The following RNF20 variants were observed in gnomAD, a reference collection of about 807,000 sequenced individuals.
RNF20 encodes the protein E3 ubiquitin-protein ligase BRE1A.
A neutral mutation model predicts 126.2 loss-of-function variants in RNF20; 84 were observed. That is an observed-to-expected ratio of 0.67 (90% CI 0.56 to 0.80). RNF20 has a LOEUF of 0.80. Among genes scored for constraint, RNF20 ranks in the 30% least tolerant of loss-of-function variants. RNF20 has a pLI of 0.00. For synonymous variants in RNF20, 400 were observed against 414.3 expected, an observed-to-expected ratio of 0.97 and a Z score of 0.42; for missense variants, 869 against 1,188.2, an observed-to-expected ratio of 0.73 and a Z score of 3.95.
At chr9:101,535,021 C>G (rs1232659373) in intron 1 of RNF20, among the ~76,000 whole-genome samples, 1 of 151,732 alleles carries the variant, frequency 6.6e-6, no homozygotes, top group Non-Finnish European at 1.5e-5. Flanking sequence ...GATTCTCCTG[C>G]CTTAGCCTCC....
intron 2 of RNF20, among the ~76,000 whole-genome samples, chr9:101,536,586 T>C (rs1827188248): frequency 6.6e-6 from 1 of 152,202 alleles, no homozygotes; most frequent in Non-Finnish European, 1.5e-5. Flanking sequence ...TCCAAAGGCA[T>C]TTATTCACTC....
intron 1 of RNF20, chr9:101,534,140 TC>T: frequency 6.6e-6 from 1 of 152,274 alleles, no homozygotes; most frequent in Non-Finnish European, 1.5e-5. Context: ...GTCTTCTCTC[TC>T]CAGGCGAGGT....
rs774524919 is a variant in RNF20, at chr9:101,552,135, T to C, written c.1409-6T>C. The C allele has an allele frequency of 6.2e-7, 1 of 1,614,120 alleles. No homozygotes were observed. Among genetic ancestry groups the C allele is most frequent in the South Asian group, 1.1e-5 (1 of 91,076 alleles). ...TCCTCATAACATTGTTGTTCCTGTA[T>C]TTAAGGCCCTATAAACAGGGAGATG... On this transcript the variant is annotated splice_region_variant and splice_polypyrimidine_tract_variant and intron_variant, in intron 11 of 19. Coordinates refer to ENST00000389120, the MANE Select transcript of RNF20 (RefSeq NM_019592.7).
intron 10 of RNF20, 80 bp downstream of exon 10, chr9:101,550,865 A>C: frequency 8.3e-7 from 1 of 1,209,946 alleles, no homozygotes; most frequent in Non-Finnish European, 1.2e-6. Flanking sequence ...ATGTGCAATT[A>C]ATCTCTCATT....
At chr9:101,551,440 A>C in intron 10 of RNF20, among the ~76,000 whole-genome samples, 1 of 152,104 alleles carries the variant, frequency 6.6e-6, no homozygotes, top group East Asian at 1.9e-4. Context: ...ATTGAATACT[A>C]TTTTACATAT....
intron 15 of RNF20, among the ~76,000 whole-genome samples, chr9:101,556,147 T>C (rs760302181): frequency 2.0e-5 from 3 of 152,226 alleles, no homozygotes; most frequent in Non-Finnish European, 4.4e-5. Context: ...TCTAAGTTTA[T>C]GTATTAATAT....
intron 10 of RNF20, among the ~76,000 whole-genome samples, chr9:101,551,283 T>A (rs186505905): frequency 5.2e-4 from 79 of 152,278 alleles, no homozygotes; most frequent in Non-Finnish European, 2.2e-4. Flanking sequence ...TTACTTACAT[T>A]TCTTAAACAA....
Position 101,557,743 on chromosome 9 carries a change from A to C in RNF20, c.2382+147A>C, listed in dbSNP as rs569918551. ...ATGTTCATCATTAGGGTATTGGTAA[A>C]TAAATTATACATCTCTACTGTTATT... On this transcript the variant is annotated intron_variant, in intron 16 of 19. Coordinates refer to ENST00000389120, the MANE Select transcript of RNF20 (RefSeq NM_019592.7). 4.9e-5 allele frequency: 30 copies of C among 610,790 alleles called. No individual in the cohort carries two copies. In the South Asian group the frequency reaches 6.2e-4, roughly 13 times the overall value. The allele number at this position is 610,790 out of a possible 1,614,324, so 37.8% of individuals were successfully genotyped here.
intron 13 of RNF20, 52 bp from the exon 14 acceptor site, chr9:101,553,936 A>T: frequency 1.0e-6 from 1 of 989,256 alleles, no homozygotes; most frequent in East Asian, 2.5e-5. Flanking sequence ...TGCTCTGATG[A>T]CCTTTATTTT....
chr9:101,535,391 C>T lies in RNF20; in HGVS notation c.-26-7C>T. 2 of 1,596,166 alleles carry T rather than the reference C, an allele frequency of 1.3e-6. No individual in the cohort carries two copies. The highest frequency in any genetic ancestry group is 1.8e-5 in the Admixed American group (1 of 55,130). On this transcript the variant is annotated splice_polypyrimidine_tract_variant and splice_region_variant and intron_variant, in intron 1 of 19. Transcript: ENST00000389120. ...ATTATGTCAGTTTCTGCCTTTTTTTCTATCAGGAAAACGACTGTCTTCTTC... is the reference window on the plus strand; with the variant it reads ...ATTATGTCAGTTTCTGCCTTTTTTTTTATCAGGAAAACGACTGTCTTCTTC...
In RNF20 at chr9:101,553,588, T is replaced by A. The variant is rs1827483526; in HGVS notation, c.1902-400T>A. Among the ~76,000 whole-genome samples, 4 of 152,140 alleles carry A rather than the reference T, an allele frequency of 2.6e-5. No homozygotes were observed. In the South Asian group the frequency reaches 8.3e-4, roughly 31 times the overall value. ...CCTCTTGAACTCTTTAAGGCAATTT[T>A]TTTTTTTTCTGGTGTGGTATCAGAA... On this transcript the variant is annotated intron_variant, in intron 13 of 19. Coordinates refer to ENST00000389120, the MANE Select transcript of RNF20 (RefSeq NM_019592.7).
In RNF20 at chr9:101,540,526, G is replaced by A. The variant is rs1588216885; in HGVS notation, c.334G>A (p.Asp112Asn). Reference protein sequence around the residue: ...ENIRIILKRYDLEQGLGDLLT... With the variant: ...ENIRIILKRYNLEQGLGDLLT... The stretch of plus-strand genomic sequence containing the variant: ...CATCCGTATCATCCTTAAACGTTAT[G>A]ATCTGGAGCAGGGCTTGGGAGACCT... The change falls in exon 4 of 20, where the codon GAT becomes AAT. Residue 112 changes from aspartate (D) to asparagine (N), a missense_variant. Around this residue, in one of 8 missense-constraint regions of RNF20, gnomAD observed 157 missense variants for 236.0 expected, o/e 0.67. Transcript: ENST00000389120. 24 of 1,613,746 alleles carry A rather than the reference G, an allele frequency of 1.5e-5. No homozygotes were observed. Among genetic ancestry groups the A allele is most frequent in the Non-Finnish European group, 2.0e-5 (24 of 1,179,990 alleles).
intron 1 of RNF20, among the ~76,000 whole-genome samples, chr9:101,534,735 T>C (rs1439204904): frequency 6.6e-6 from 1 of 152,158 alleles, no homozygotes; most frequent in Non-Finnish European, 1.5e-5. Context: ...CACTGTAGTA[T>C]TAACTTCTGG....
At position 101,562,223 on chromosome 9, in the gene RNF20, ACT is replaced by A. The variant is rs1827639348; in HGVS notation, c.2752-20_2752-19del. 5.6e-6 allele frequency: 9 copies of A among 1,601,610 alleles called. No homozygotes were observed. In the South Asian group the frequency reaches 1.0e-4, roughly 18 times the overall value. On this transcript the variant is annotated intron_variant, in intron 19 of 19. Coordinates refer to ENST00000389120, the MANE Select transcript of RNF20 (RefSeq NM_019592.7). ...ATCATAAACTTTCATGGTTGTTCAA[ACT>A]CTGACATCTTTTCTTTTTAGGCACG...
In RNF20 at chr9:101,547,215, G is replaced by A; in HGVS notation, c.972+1G>A. ...CACAATCACTATCAATGCTCGGAAG[G>A]TAAAATCAGTGACTCAGGACATGTT... On this transcript the variant is annotated splice_donor_variant, in intron 8 of 19. Transcript: ENST00000389120. LOFTEE classifies it high-confidence loss of function. 1 of 1,613,974 alleles carries A rather than the reference G, an allele frequency of 6.2e-7. No individual in the cohort carries two copies. The highest frequency in any genetic ancestry group is 8.5e-7 in the Non-Finnish European group (1 of 1,179,882).
intron 15 of RNF20, among the ~76,000 whole-genome samples, chr9:101,555,066 A>G (rs1247016943): frequency 6.6e-6 from 1 of 152,000 alleles, no homozygotes; most frequent in African/African-American, 2.4e-5. Flanking sequence ...ATTTAAATGG[A>G]CATTTATTGA....
rs766163772 is a variant in RNF20, at chr9:101,540,379, C to G, written c.297+9C>G. ...ACCGATACTGGAGTCAGGTAGCTAA[C>G]TTGTTTATTTGTTCAGATTTTTATT... On this transcript the variant is annotated intron_variant, in intron 3 of 19. Coordinates refer to ENST00000389120, the MANE Select transcript of RNF20 (RefSeq NM_019592.7). 6 of 1,613,792 alleles carry G rather than the reference C, an allele frequency of 3.7e-6. No homozygotes were observed. Among genetic ancestry groups the G allele is most frequent in the African/African-American group, 1.3e-5 (1 of 74,902 alleles).
chr9:101,540,969 A>G lies in RNF20; in HGVS notation c.622A>G (p.Ser208Gly). ...KVELLSRKLN[S>G]GDNLIVEEAV... ...GGAGCTCTTATCCCGGAAGCTAAAC[A>G]GTGGAGGTGAGGCAAGACCCTGGAG... The change falls in exon 5 of 20, where the codon AGT (serine) becomes GGT (glycine). Residue 208 changes from serine to glycine, a missense_variant. Ser to Gly is a moderately conservative substitution (Grantham distance 56, BLOSUM62 0). Coordinates refer to ENST00000389120, the MANE Select transcript of RNF20 (RefSeq NM_019592.7). 2 of 1,613,928 alleles carry G rather than the reference A, an allele frequency of 1.2e-6. No homozygotes were observed. The highest frequency in any genetic ancestry group is 2.2e-5 in the East Asian group (1 of 44,882).
chr9:101,538,858 T>A (rs1314666716), intron 2 of RNF20, among the ~76,000 whole-genome samples: 1 of 152,172 alleles, frequency 6.6e-6, no homozygotes, highest in African/African-American at 2.4e-5. Context: ...CACATGCTGG[T>A]TCTTTGCTTG....
Sources: allele counts gnomAD v4.1 joint callset (sites outside exome capture counted in the v4.1 genomes callset), GRCh38; gene constraint gnomAD v4.1.1; regional missense constraint gnomAD v4.1.1; transcripts MANE v1.5; gene names NCBI Gene and HGNC (gene_info 2026-07-23, HGNC 2026-07-21).